Variants in AKAP9 observed in about 807,000 individuals in gnomAD.
AKAP9 encodes A-kinase anchor protein 9.
Under a neutral mutation model 488.5 loss-of-function variants are expected in AKAP9, and 311 were observed. The observed-to-expected ratio is 0.64, with a 90% CI of 0.58 to 0.70. The LOEUF (loss-of-function observed/expected upper bound fraction) is 0.70, where lower values mean the gene tolerates loss of function less well. Among genes scored for constraint, AKAP9 ranks in the 30% least tolerant of loss-of-function variants. The pLI, the probability that AKAP9 is intolerant of heterozygous loss-of-function variation, is 0.00. For synonymous variants in AKAP9, 1,462 were observed against 1,483.5 expected (o/e 0.99, Z 0.33); for missense variants, 4,215 against 4,374.5 (o/e 0.96, Z 1.03).
chr7:91,984,139 C>G (rs74770876), intron 3 of AKAP9, among the ~76,000 whole-genome samples: 5 of 151,914 alleles, frequency 3.3e-5, no homozygotes, highest in Non-Finnish European at 1.5e-5. Flanking sequence ...AGTTTAATTA[C>G]ATCCCATTTG....
intron 1 of AKAP9, among the ~76,000 whole-genome samples, chr7:91,954,038 G>C (rs1264238993): frequency 6.6e-6 from 1 of 152,164 alleles, no homozygotes; most frequent in Non-Finnish European, 1.5e-5. Flanking sequence ...AGAAAAGAGA[G>C]GGTTATTGTA....
chr7:91,998,250 G>A (rs1474852394), intron 7 of AKAP9, among the ~76,000 whole-genome samples: 4 of 151,698 alleles, frequency 2.6e-5, no homozygotes, highest in African/African-American at 4.8e-5. Flanking sequence ...AACCGGTACC[G>A]GGTCTGCAAC....
chr7:92,076,890 A>T lies in AKAP9; in HGVS notation c.6648A>T (p.Arg2216Ser). Residue 2216 changes from arginine to serine, a missense_variant, in exon 29 of 50, where the codon AGA becomes AGT. This residue lies in a region of AKAP9 where 51 missense variants were observed against 87.3 expected (regional missense o/e 0.58). Transcript: ENST00000356239. ...TAGAAGAGCAATTAGAACAGTTTAG[A>T]GAAGAACTGGAAAATAAGAATGAAG... is the stretch of plus-strand genomic sequence containing the variant. ...TNLEEQLEQF[R>S]EELENKNEEV... 1 of 1,504,554 alleles carries T rather than the reference A, an allele frequency of 6.6e-7. No individual in the cohort carries two copies. The highest frequency in any genetic ancestry group is 9.1e-7 in the Non-Finnish European group (1 of 1,096,798). 93.2% of individuals were successfully genotyped at this position (1,504,554 alleles called of 1,614,324 possible).
At chr7:92,078,925 T>G (rs970368809) in intron 30 of AKAP9, among the ~76,000 whole-genome samples, 154 bp from the exon 31 acceptor site, 2 of 152,184 alleles carry the variant, frequency 1.3e-5, no homozygotes, top group African/African-American at 4.8e-5. Context: ...GGGGGAGATA[T>G]TGGTCTATAA....
intron 12 of AKAP9, among the ~76,000 whole-genome samples, chr7:92,018,256 A>G (rs1319578220): frequency 6.6e-6 from 1 of 152,052 alleles, no homozygotes; most frequent in East Asian, 1.9e-4. Flanking sequence ...ATGGTGGTAC[A>G]TGCCTGTCGT....
At position 92,082,635 on chromosome 7, in the gene AKAP9, G is replaced by A. The variant is rs765145399; in HGVS notation, c.8133G>A (p.Lys2711=). Residue 2711 remains lysine (K), a synonymous_variant, in exon 32 of 50, where the codon AAG becomes AAA. Transcript: ENST00000356239. ...CAGAACTTGCCAGTTATAAAGAAAA[G>A]GCTGAAAAACTTCAAGAAGAGCTTT... ...TKAELASYKE[K]AEKLQEELLV... 6.2e-7 allele frequency: 1 copy of A among 1,613,784 alleles called. No individual in the cohort carries two copies. The highest frequency in any genetic ancestry group is 1.3e-5 in the African/African-American group (1 of 74,886).
intron 1 of AKAP9, chr7:91,970,415 A>G: frequency 8.9e-6 from 4 of 447,676 alleles, no homozygotes; most frequent in South Asian, 6.4e-5. Flanking sequence ...TAATTTTACT[A>G]GTGGGTTGTA....
intron 21 of AKAP9, among the ~76,000 whole-genome samples, chr7:92,050,536 A>G (rs1807801116): frequency 1.3e-5 from 2 of 152,158 alleles, no homozygotes; most frequent in Admixed American, 6.5e-5. Flanking sequence ...GACAAATAAC[A>G]TTACTAAAGT....
intron 1 of AKAP9, among the ~76,000 whole-genome samples, chr7:91,948,773 G>T (rs371165116): frequency 6.6e-6 from 1 of 151,790 alleles, no homozygotes; most frequent in South Asian, 2.1e-4. Flanking sequence ...CACCATGCCC[G>T]ATTAATTTTT....
At chr7:91,977,962 C>T (rs1295176647) in intron 2 of AKAP9, among the ~76,000 whole-genome samples, 3 of 152,038 alleles carry the variant, frequency 2.0e-5, no homozygotes, top group South Asian at 2.1e-4. Context: ...ATAATCTCGG[C>T]TGGGTGCAGT....
At chr7:91,972,377 A>G (rs1018012805) in intron 1 of AKAP9, among the ~76,000 whole-genome samples, 5 of 152,156 alleles carry the variant, frequency 3.3e-5, no homozygotes, top group African/African-American at 4.8e-5. Flanking sequence ...TCTCCTGTCA[A>G]GGAGCCCAAG....
intron 21 of AKAP9, among the ~76,000 whole-genome samples, chr7:92,050,062 A>G (rs1446050291): frequency 5.5e-5 from 8 of 144,886 alleles, no homozygotes; most frequent in Non-Finnish European, 1.5e-5. Flanking sequence ...ATTTCAGCAA[A>G]CTTTTTTTTT....
chr7:92,019,269 G>C (rs945634225), intron 12 of AKAP9, among the ~76,000 whole-genome samples: 12 of 151,760 alleles, frequency 7.9e-5, no homozygotes, highest in Non-Finnish European at 1.3e-4. Context: ...AGCCTCCTGA[G>C]TAGCTGGGAT....
intron 1 of AKAP9, among the ~76,000 whole-genome samples, chr7:91,955,602 A>G (rs192025151): frequency 6.6e-6 from 1 of 152,328 alleles, no homozygotes; most frequent in East Asian, 1.9e-4. Context: ...ATAGTATTCC[A>G]TTATAGGAAT....
chr7:91,990,132 T>G (rs554438690), intron 3 of AKAP9, among the ~76,000 whole-genome samples: 4 of 152,102 alleles, frequency 2.6e-5, no homozygotes, highest in African/African-American at 9.7e-5. Flanking sequence ...TTAAATAACT[T>G]CAACAAATGC....
At chr7:92,051,507 G>A (rs189415782) in intron 21 of AKAP9, among the ~76,000 whole-genome samples, 17 of 152,252 alleles carry the variant, frequency 1.1e-4, no homozygotes, top group Admixed American at 1.1e-3. Context: ...TATATAATGG[G>A]AAACATTTAA....
chr7:91,959,238 G>A (rs1021528336), intron 1 of AKAP9, among the ~76,000 whole-genome samples: 2 of 152,086 alleles, frequency 1.3e-5, no homozygotes, highest in Non-Finnish European at 2.9e-5. Context: ...TTGTGCAATA[G>A]TGTAACCATG....
At chr7:92,096,099 A>ATT (rs1373936677) in intron 40 of AKAP9, among the ~76,000 whole-genome samples, 1 of 152,148 alleles carries the variant, frequency 6.6e-6, no homozygotes, top group African/African-American at 2.4e-5. Flanking sequence ...GAACAGTTAT[A>ATT]TTTTTAAAGG....
chr7:92,089,596 T>G (rs928525642), intron 38 of AKAP9, 67 bp downstream of exon 38: 4 of 1,483,886 alleles, frequency 2.7e-6, no homozygotes, highest in Non-Finnish European at 3.7e-6. Context: ...GTTTTCTTTC[T>G]TATTATTATT....
Sources: allele counts gnomAD v4.1 joint callset (sites outside exome capture counted in the v4.1 genomes callset), GRCh38; gene constraint gnomAD v4.1.1; regional missense constraint gnomAD v4.1.1; transcripts MANE v1.5; gene names NCBI Gene and HGNC (gene_info 2026-07-23, HGNC 2026-07-21).